The following EFCAB11 variants were observed in gnomAD, a reference collection of about 807,000 sequenced individuals.
EFCAB11 encodes EF-hand calcium binding domain 11, also known as EF-hand calcium-binding domain-containing protein 11.
Under a neutral mutation model 23.0 loss-of-function variants are expected in EFCAB11, and 14 were observed. That is an observed-to-expected ratio of 0.61 (90% confidence interval 0.40 to 0.95). The LOEUF is 0.95. EFCAB11 is among the 40% of genes least tolerant of loss of function. EFCAB11 has a pLI of 0.00. For missense variants in EFCAB11, 198 were observed against 195.8 expected (o/e 1.01, Z -0.07); for synonymous variants, 65 against 66.6 (o/e 0.98, Z 0.11).
At chr14:89,821,484 C>A (rs768102079) in intron 5 of EFCAB11, among the ~76,000 whole-genome samples, 1 of 152,170 alleles carries the variant, frequency 6.6e-6, no homozygotes, top group African/African-American at 2.4e-5. Flanking sequence ...GCTTATAAAA[C>A]TCAGGCAAAT....
intron 5 of EFCAB11, among the ~76,000 whole-genome samples, chr14:89,890,802 G>C (rs978142413): frequency 1.3e-5 from 2 of 152,190 alleles, no homozygotes; most frequent in African/African-American, 4.8e-5. Flanking sequence ...CTGGGGCTGC[G>C]GTCTGGTAGC....
chr14:89,874,497 T>C (rs935178281), intron 5 of EFCAB11, among the ~76,000 whole-genome samples: 14 of 152,228 alleles, frequency 9.2e-5, no homozygotes, highest in Admixed American at 8.5e-4. Context: ...TCTATTGCAC[T>C]GTCATGCTGC....
At chr14:89,837,468 C>T (rs552787963) in intron 5 of EFCAB11, among the ~76,000 whole-genome samples, 1 of 152,320 alleles carries the variant, frequency 6.6e-6, no homozygotes, top group African/African-American at 2.4e-5. Flanking sequence ...CCTGTAATAA[C>T]ATTTCCTCCC....
At chr14:89,931,774 A>C (rs1217196755) in intron 4 of EFCAB11, 143 bp from the exon 5 acceptor site, 2 of 670,104 alleles carry the variant, frequency 3.0e-6, no homozygotes, top group East Asian at 5.4e-5. Context: ...CAGATAAGGT[A>C]ATCTGAGATT....
intron 5 of EFCAB11, among the ~76,000 whole-genome samples, chr14:89,925,897 C>T (rs974574340): frequency 6.6e-6 from 1 of 151,728 alleles, no homozygotes; most frequent in Admixed American, 6.6e-5. Context: ...GGCGTGATCT[C>T]GGCTCACTGC....
intron 5 of EFCAB11, among the ~76,000 whole-genome samples, chr14:89,801,966 C>T (rs1260224339): frequency 6.7e-6 from 1 of 150,372 alleles, no homozygotes; most frequent in Non-Finnish European, 1.5e-5. Flanking sequence ...TGCACTCCAG[C>T]CCAGGCGATA....
chr14:89,831,578 T>C (rs1365764898), intron 5 of EFCAB11, among the ~76,000 whole-genome samples: 1 of 152,224 alleles, frequency 6.6e-6, no homozygotes, highest in Non-Finnish European at 1.5e-5. Flanking sequence ...TGTATGTGCA[T>C]GTATATATTA....
chr14:89,823,293 A>G (rs1886586569), intron 5 of EFCAB11, among the ~76,000 whole-genome samples: 1 of 152,200 alleles, frequency 6.6e-6, no homozygotes, highest in African/African-American at 2.4e-5. Flanking sequence ...GAGTACCTCA[A>G]ACCTACAGCC....
chr14:89,829,149 T>C (rs537647850), intron 5 of EFCAB11, among the ~76,000 whole-genome samples: 2 of 152,310 alleles, frequency 1.3e-5, no homozygotes, highest in Non-Finnish European at 2.9e-5. Context: ...TGTCAACAAA[T>C]GTGGTTTGGA....
At chr14:89,819,969 G>A (rs941859999) in intron 5 of EFCAB11, among the ~76,000 whole-genome samples, 1 of 151,990 alleles carries the variant, frequency 6.6e-6, no homozygotes. Context: ...CCAACAATAG[G>A]AATATGACTC....
chr14:89,835,583 A>T, intron 5 of EFCAB11, among the ~76,000 whole-genome samples: 1 of 87,988 alleles, frequency 1.1e-5, no homozygotes, highest in African/African-American at 6.0e-5. Context: ...AGGGATGCTC[A>T]ACGTGTGTGT....
chr14:89,917,052 TCG>T, intron 5 of EFCAB11, among the ~76,000 whole-genome samples: 1 of 116,898 alleles, frequency 8.6e-6, no homozygotes, highest in African/African-American at 3.4e-5. Context: ...CTGACATGCT[TCG>T]TGTGTGTGTG....
In EFCAB11 at chr14:89,815,763, T is replaced by G. The variant is rs535353229; in HGVS notation, c.411-18439A>C. 8.5e-5 allele frequency among the ~76,000 whole-genome samples: 13 copies of G among 152,168 alleles called. No homozygotes were observed. The South Asian group carries it at 2.5e-3, about 29-fold the overall frequency. On this transcript the variant is annotated intron_variant, in intron 5 of 5. Transcript: ENST00000316738. ...TTAGTACTATATAGATTGCTGTAAATTTGAGTTTTGGGCAATGGTGAGGAA... is the reference window on the plus strand; with the variant it reads ...TTAGTACTATATAGATTGCTGTAAAGTTGAGTTTTGGGCAATGGTGAGGAA...
intron 5 of EFCAB11, among the ~76,000 whole-genome samples, chr14:89,805,170 C>T (rs1037933313): frequency 2.0e-5 from 3 of 152,222 alleles, no homozygotes; most frequent in Non-Finnish European, 4.4e-5. Context: ...CCTAACAATT[C>T]CATGGACATT....
At chr14:89,836,343 C>T (rs1243788456) in intron 5 of EFCAB11, 1 of 335,396 alleles carries the variant, frequency 3.0e-6, no homozygotes, top group African/African-American at 2.2e-5. Context: ...AAAGCTCATA[C>T]CCATTACCTT....
At chr14:89,807,753 AGAGTT>A (rs1886017033) in intron 5 of EFCAB11, among the ~76,000 whole-genome samples, 1 of 152,226 alleles carries the variant, frequency 6.6e-6, no homozygotes, top group Admixed American at 6.5e-5. Context: ...GAAGGACTGT[AGAGTT>A]TTTTGTTTAC....
At chr14:89,848,280 T>C (rs1467813240) in intron 5 of EFCAB11, among the ~76,000 whole-genome samples, 5 of 152,216 alleles carry the variant, frequency 3.3e-5, no homozygotes, top group Admixed American at 6.5e-5. Context: ...AAGTTTATGA[T>C]GTTTGGTACC....
intron 5 of EFCAB11, among the ~76,000 whole-genome samples, chr14:89,815,719 C>T (rs944861476): frequency 4.6e-5 from 7 of 152,042 alleles, no homozygotes; most frequent in South Asian, 2.1e-4. Flanking sequence ...TCATCGCGCC[C>T]GGCCGAAATC....
At chr14:89,816,132 A>T (rs1886330105) in intron 5 of EFCAB11, among the ~76,000 whole-genome samples, 1 of 151,490 alleles carries the variant, frequency 6.6e-6, no homozygotes, top group Non-Finnish European at 1.5e-5. Context: ...GGTATTTTAT[A>T]TTTTTTTTGG....
Sources: gnomAD v4.1 joint callset for allele counts (sites outside exome capture counted in the v4.1 genomes callset) on GRCh38, gnomAD v4.1.1 for gene constraint, MANE v1.5 for transcripts, NCBI Gene and HGNC (gene_info 2026-07-23, HGNC 2026-07-21) for gene names.